PGBD1: variants seen among roughly 807,000 people sequenced by gnomAD.
PGBD1 encodes piggyBac transposable element derived 1, also known as piggyBac transposable element-derived protein 1.
PGBD1 carries 25 observed loss-of-function variants against 34.7 expected under a neutral mutation model. The ratio of observed to expected loss-of-function variants is 0.72; its 90% CI spans 0.52 to 1.00. The LOEUF (loss-of-function observed/expected upper bound fraction) is 1.00, where lower values mean the gene tolerates loss of function less well. Among genes scored for constraint, PGBD1 ranks in the 50% least tolerant of loss-of-function variants. The pLI, the probability that PGBD1 is intolerant of heterozygous loss-of-function variation, is 0.00. For missense variants in PGBD1, 830 were observed against 959.4 expected, an observed-to-expected ratio of 0.87 and a Z score of 1.78; for synonymous variants, 292 against 335.7, an observed-to-expected ratio of 0.87 and a Z score of 1.42.
chr6:28,281,590 G>C lies in PGBD1; in HGVS notation c.-367G>C, dbSNP rs996019358. On this transcript the variant is annotated 5_prime_UTR_variant, in exon 1 of 7. Coordinates refer to ENST00000682144, the MANE Select transcript of PGBD1 (RefSeq NM_032507.4). ...AGCTTTTGTACCCGCCCAGCTGCTG[G>C]AGGCGCCGGCAGCGCCCGCCAGACC... 8 of 387,832 alleles carry C rather than the reference G, an allele frequency of 2.1e-5. No homozygotes were observed. The highest frequency in any genetic ancestry group is 7.3e-5 in the East Asian group (2 of 27,492). The allele number at this position is 387,832 out of a possible 1,614,324, so 24.0% of individuals were successfully genotyped here.
Position 28,300,654 on chromosome 6 carries a change from C to A in PGBD1, c.870-70C>A. On this transcript the variant is annotated intron_variant, in intron 6 of 6. Coordinates refer to ENST00000682144, the MANE Select transcript of PGBD1 (RefSeq NM_032507.4). This position sits in a 1 kb window ranked among gnomAD's most constrained non-coding sequence, Gnocchi z 4.0. ...CCCAAGCCCCAAAAGATTTAAGCTT[C>A]AGCAGATTTATCATGTGTGAGAGAA... 76 of 1,385,560 alleles carry A rather than the reference C, an allele frequency of 5.5e-5. No homozygotes were observed. The highest frequency in any genetic ancestry group is 7.5e-5 in the East Asian group (3 of 40,094). 85.8% of individuals were successfully genotyped at this position (1,385,560 alleles called of 1,614,324 possible). A position where few individuals can be genotyped will look rare whatever the true frequency, so the allele number is the denominator to read the frequency against.
intron 4 of PGBD1, among the ~76,000 whole-genome samples, chr6:28,288,252 C>A (rs145187164): frequency 6.6e-6 from 1 of 152,204 alleles, no homozygotes; most frequent in Admixed American, 6.5e-5. Context: ...CCTAACCCCA[C>A]GTACCTGTGA....
In PGBD1 at chr6:28,291,550, C is replaced by CAAAA. The variant is rs56160771; in HGVS notation, c.642+4396_642+4399dup. Among the ~76,000 whole-genome samples, 260 of 120,598 alleles carry CAAAA rather than the reference C, an allele frequency of 2.2e-3. 3 individuals carry two copies. The highest frequency in any genetic ancestry group is 4.9e-3 in the African/African-American group (173 of 35,104). The allele number at this position is 120,598 out of a possible 152,430, so 79.1% of individuals were successfully genotyped here. A position where few individuals can be genotyped will look rare whatever the true frequency, so the allele number is the denominator to read the frequency against. On this transcript the variant is annotated intron_variant, in intron 4 of 6. Transcript: ENST00000682144. ...TAATACCAATCCTATTCAAATTCTTCAAAAAAAAAAAAAAAAATTGAAGAG... is the reference window on the plus strand; with the variant it reads ...TAATACCAATCCTATTCAAATTCTTCAAAAAAAAAAAAAAAAAAAAATTGAAGAG...
rs142548630 is a variant in PGBD1, at chr6:28,297,223, C to T, written c.772+278C>T. On this transcript the variant is annotated intron_variant, in intron 5 of 6. Transcript: ENST00000682144. ...CAGTGACTCCTTTGTATCCTTTTCC[C>T]CTTTTTTCTTCCCTGTCAAGGATTC... Among the ~76,000 whole-genome samples the T allele has an allele frequency of 4.1e-3, 621 of 152,254 alleles. 6 individuals carry two copies. Among genetic ancestry groups the T allele is most frequent in the African/African-American group, 0.013 (557 of 41,536 alleles).
chr6:28,290,812 A>G (rs1043259127), intron 4 of PGBD1, among the ~76,000 whole-genome samples: 5 of 152,054 alleles, frequency 3.3e-5, no homozygotes, highest in African/African-American at 9.6e-5. Flanking sequence ...GAAACTACAC[A>G]AACGCGTGGA....
chr6:28,288,788 G>C (rs560648840), intron 4 of PGBD1, among the ~76,000 whole-genome samples: 11 of 152,088 alleles, frequency 7.2e-5, no homozygotes, highest in African/African-American at 2.7e-4. Flanking sequence ...AGGAGTTCGA[G>C]ACCAGCCTGG....
chr6:28,298,134 CATGCCAAGAA>C lies in PGBD1; in HGVS notation c.869+145_869+154del. 4 of 682,492 alleles carry C rather than the reference CATGCCAAGAA, an allele frequency of 5.9e-6. No homozygotes were observed. In the South Asian group the frequency reaches 7.0e-5, roughly 12 times the overall value. 42.3% of individuals were successfully genotyped at this position (682,492 alleles called of 1,614,324 possible). On this transcript the variant is annotated intron_variant, in intron 6 of 6. Transcript: ENST00000682144. ...CTCACTTCTGTGATCATAGGAGGTC[CATGCCAAGAA>C]AGTGACCTATTCAAAATTTTCAATA...
intron 5 of PGBD1, 131 bp from the exon 6 acceptor site, chr6:28,297,764 C>T: frequency 1.6e-6 from 1 of 611,626 alleles, no homozygotes; most frequent in East Asian, 2.9e-5. Flanking sequence ...CTTGAAACAC[C>T]AATATGATTT....
At chr6:28,297,816 GTTTTTTTTT>G (rs368634720) in intron 5 of PGBD1, 70 bp from the exon 6 acceptor site, 9,497 of 348,236 alleles carry the variant, frequency 0.027, 82 homozygotes, top group African/African-American at 0.037. Flanking sequence ...TACCCTGGAA[GTTTTTTTTT>G]TTTTTTTTTT....
chr6:28,289,924 C>T (rs546798043), intron 4 of PGBD1, among the ~76,000 whole-genome samples: 2 of 152,236 alleles, frequency 1.3e-5, no homozygotes, highest in South Asian at 4.1e-4. Context: ...TGTTTCTACT[C>T]TTGTATTTGG....
chr6:28,290,889 G>T (rs1289870916), intron 4 of PGBD1, among the ~76,000 whole-genome samples: 1 of 152,032 alleles, frequency 6.6e-6, no homozygotes, highest in Non-Finnish European at 1.5e-5. Flanking sequence ...ATGTAAAAAT[G>T]TCTTGAAACT....
rs1197892414 is a variant in PGBD1, at chr6:28,297,988, AC to A, written c.867del (p.Asn289LysfsTer23). The A allele has an allele frequency of 2.5e-6, 4 of 1,601,002 alleles. No individual in the cohort carries two copies. The highest frequency in any genetic ancestry group is 3.4e-6 in the Non-Finnish European group (4 of 1,169,198). On this transcript the variant is annotated frameshift_variant and splice_region_variant, in exon 6 of 7. Coordinates refer to ENST00000682144, the MANE Select transcript of PGBD1 (RefSeq NM_032507.4). LOFTEE classifies it low-confidence loss of function (END_TRUNC). ...AGTGGAGAAGCCTCAGGAAAGCCCA[AC>A]AGGTGAGTGTCCATGGTCCTCAGTG... ...EQSGEASGKPNRECAPQIPCS... is the reference protein window; with the variant it reads ...EQSGEASGKPXRECAPQIPCS...
chr6:28,286,084 A>C (rs1399024112), intron 3 of PGBD1, among the ~76,000 whole-genome samples: 1 of 152,206 alleles, frequency 6.6e-6, no homozygotes, highest in Non-Finnish European at 1.5e-5. Flanking sequence ...TGGTTTATTT[A>C]GTATGTATGT....
At chr6:28,287,695 A>C (rs989831913) in intron 4 of PGBD1, among the ~76,000 whole-genome samples, 4 of 149,318 alleles carry the variant, frequency 2.7e-5, no homozygotes, top group Admixed American at 6.7e-5. Context: ...ATTTATTTAC[A>C]AAAAAAAAAT....
intron 6 of PGBD1, among the ~76,000 whole-genome samples, 176 bp downstream of exon 6, chr6:28,298,167 A>G (rs1251125755): frequency 6.6e-6 from 1 of 152,188 alleles, no homozygotes; most frequent in Non-Finnish European, 1.5e-5. Context: ...AAAATTTTCA[A>G]TATGCAATAA....
intron 5 of PGBD1, 47 bp downstream of exon 5, chr6:28,296,992 C>T (rs143377495): frequency 2.4e-5 from 39 of 1,609,306 alleles, no homozygotes; most frequent in Middle Eastern, 3.7e-4. Flanking sequence ...TCTCATTTTC[C>T]TGTCACTCAC....
chr6:28,297,089 C>T (rs965559159), intron 5 of PGBD1, 144 bp downstream of exon 5: 1 of 857,936 alleles, frequency 1.2e-6, no homozygotes, highest in African/African-American at 1.7e-5. Flanking sequence ...AGACTTCTAG[C>T]CCTTATCACT....
intron 4 of PGBD1, among the ~76,000 whole-genome samples, chr6:28,293,654 A>G (rs753429691): frequency 1.3e-5 from 2 of 152,172 alleles, no homozygotes; most frequent in Non-Finnish European, 2.9e-5. Flanking sequence ...TTATTGTTAT[A>G]TCTGTCATGG....
intron 6 of PGBD1, among the ~76,000 whole-genome samples, chr6:28,299,063 A>C (rs1762742124): frequency 6.6e-6 from 1 of 152,206 alleles, no homozygotes; most frequent in Admixed American, 6.5e-5. Flanking sequence ...GAAATTTTGC[A>C]TTAAGATTAG....
Sources: allele counts gnomAD v4.1 joint callset (sites outside exome capture counted in the v4.1 genomes callset), GRCh38; gene constraint gnomAD v4.1.1; non-coding constraint Gnocchi (gnomAD v3.1); transcripts MANE v1.5; gene names NCBI Gene and HGNC (gene_info 2026-07-23, HGNC 2026-07-21).